Variants in GRIK1 observed in about 807,000 individuals in gnomAD.
The protein encoded by GRIK1 is glutamate receptor ionotropic, kainate 1.
GRIK1 carries 69 observed loss-of-function variants against 105.7 expected under a neutral mutation model. The observed-to-expected ratio is 0.65, with a 90% CI of 0.54 to 0.80. GRIK1 has a LOEUF of 0.80. Among genes scored for constraint, GRIK1 ranks in the 30% least tolerant of loss-of-function variants. GRIK1 has a pLI of 0.00. For missense variants in GRIK1, 1,109 were observed against 1,167.3 expected (o/e 0.95, Z 0.73); for synonymous variants, 438 against 431.3 (o/e 1.02, Z -0.19).
At chr21:29,882,863 C>T (rs2146189796) in intron 1 of GRIK1, among the ~76,000 whole-genome samples, 1 of 152,200 alleles carries the variant, frequency 6.6e-6, no homozygotes, top group East Asian at 1.9e-4. Context: ...CTACCACGAT[C>T]TATACAGAGC....
chr21:29,580,063 A>G (rs113521237), intron 13 of GRIK1, among the ~76,000 whole-genome samples: 10,848 of 143,826 alleles, frequency 0.075, 830 homozygotes, highest in African/African-American at 0.2. Context: ...GTATATATAT[A>G]TGTGTATATA....
At position 29,827,475 on chromosome 21, in the gene GRIK1, G is replaced by T. The variant is rs548005005; in HGVS notation, c.118+111908C>A. Among the ~76,000 whole-genome samples, 411 of 152,208 alleles carry T rather than the reference G, an allele frequency of 2.7e-3. 1 individual carries two copies. The highest frequency in any genetic ancestry group is 5.2e-3 in the Non-Finnish European group (353 of 67,998). ...GCTTCAATGTTTATGAAGCTGTATGGCACTCATAAGTCCAGATTTGATATA... is the reference window on the plus strand; with the variant it reads ...GCTTCAATGTTTATGAAGCTGTATGTCACTCATAAGTCCAGATTTGATATA... On this transcript the variant is annotated intron_variant, in intron 1 of 17. Transcript: ENST00000327783.
chr21:29,888,276 A>G (rs1443919016), intron 1 of GRIK1, among the ~76,000 whole-genome samples: 3 of 89,314 alleles, frequency 3.4e-5, no homozygotes, highest in African/African-American at 1.4e-4. Flanking sequence ...CTTCCTTCCT[A>G]TTTTTGAGAC....
chr21:29,707,762 G>A (rs2211778), intron 1 of GRIK1, among the ~76,000 whole-genome samples: 104,297 of 151,788 alleles, frequency 0.69, 41,425 homozygotes, highest in Non-Finnish European at 0.89. Context: ...GATTACAGGC[G>A]TAAACCACCG....
Position 29,581,454 on chromosome 21 carries a change from CA to C in GRIK1, c.1882del (p.Trp628GlyfsTer14), listed in dbSNP as rs2146258431. On this transcript the variant is annotated frameshift_variant, in exon 13 of 18. Transcript: ENST00000327783. LOFTEE classifies it high-confidence loss of function. ...ENNFTLLNSF[W>X]FGVGALMQQG... is the part of the protein sequence containing the mutation. ...CTGCATGAGAGCTCCAACTCCAAAC[CA>C]GAAACTATTTAGTAAAGTAAAATTG... 1 of 1,612,478 alleles carries C rather than the reference CA, an allele frequency of 6.2e-7. No homozygotes were observed. The highest frequency in any genetic ancestry group is 1.1e-5 in the South Asian group (1 of 91,030).
chr21:29,938,630 A>T (rs1031555365), intron 1 of GRIK1, among the ~76,000 whole-genome samples: 2 of 152,168 alleles, frequency 1.3e-5, no homozygotes, highest in African/African-American at 4.8e-5. Flanking sequence ...ATTCGAGATC[A>T]GAGCCCTGAA....
At chr21:29,707,134 G>A (rs2063927645) in intron 1 of GRIK1, among the ~76,000 whole-genome samples, 1 of 152,216 alleles carries the variant, frequency 6.6e-6, no homozygotes, top group Non-Finnish European at 1.5e-5. Flanking sequence ...GAAGTGCTGG[G>A]ATTACAGGCG....
intron 1 of GRIK1, among the ~76,000 whole-genome samples, chr21:29,912,845 G>A (rs1379082455): frequency 6.6e-6 from 1 of 151,828 alleles, no homozygotes; most frequent in Non-Finnish European, 1.5e-5. Context: ...TTTATTTTAG[G>A]CAATATCAAG....
At chr21:29,750,822 G>A (rs1164747759) in intron 1 of GRIK1, among the ~76,000 whole-genome samples, 1 of 152,172 alleles carries the variant, frequency 6.6e-6, no homozygotes, top group Non-Finnish European at 1.5e-5. Flanking sequence ...TAATAAGATA[G>A]GTTTGATATT....
intron 12 of GRIK1, among the ~76,000 whole-genome samples, chr21:29,584,998 G>C (rs2146269473): frequency 6.6e-6 from 1 of 152,294 alleles, no homozygotes; most frequent in African/African-American, 2.4e-5. Flanking sequence ...CTTCATGACA[G>C]TACACTTGTG....
rs961890764 is a variant in GRIK1, at chr21:29,661,495, G to C, written c.727-6632C>G. 7.2e-5 allele frequency among the ~76,000 whole-genome samples: 11 copies of C among 152,280 alleles called. No homozygotes were observed. The East Asian group carries it at 1.9e-3, about 27-fold the overall frequency. On this transcript the variant is annotated intron_variant, in intron 4 of 17. Transcript: ENST00000327783. ...GTAAATAGAAGGAGAGAGAAAGATG[G>C]AGTGTGATGCGGGGCCACAAGACAA...
intron 1 of GRIK1, among the ~76,000 whole-genome samples, chr21:29,751,883 C>T (rs970068393): frequency 6.6e-6 from 1 of 152,184 alleles, no homozygotes; most frequent in African/African-American, 2.4e-5. Context: ...TTTCGAGACG[C>T]TAGCTGTCTT....
Position 29,581,534 on chromosome 21 carries a change from G to A in GRIK1, c.1803C>T (p.Pro601=), listed in dbSNP as rs766815082. The stretch of plus-strand genomic sequence containing the variant: ...ATGGGTGGGGGTTATACCACTCGTA[G>A]GGTGTAAACCTGTGGTAGTTAACAG... ...CVLFVIARFT[P]YEWYNPHPCN... Residue 601 remains proline (P), a synonymous_variant, in exon 13 of 18, where the codon CCC becomes CCT. Coordinates refer to ENST00000327783, the MANE Select transcript of GRIK1 (RefSeq NM_001330994.2). The A allele has an allele frequency of 2.1e-5, 34 of 1,586,318 alleles. No individual in the cohort carries two copies. The highest frequency in any genetic ancestry group is 2.9e-5 in the Non-Finnish European group (33 of 1,155,006).
At chr21:29,915,156 C>G (rs2070950859) in intron 1 of GRIK1, among the ~76,000 whole-genome samples, 1 of 151,532 alleles carries the variant, frequency 6.6e-6, no homozygotes, top group Non-Finnish European at 1.5e-5. Context: ...TCTGTTAATT[C>G]TTTTCCACGC....
intron 1 of GRIK1, among the ~76,000 whole-genome samples, chr21:29,746,740 T>C (rs1249908499): frequency 1.3e-5 from 2 of 152,208 alleles, no homozygotes. Context: ...TTAAAAGAGA[T>C]GACACACAAA....
chr21:29,710,638 A>G (rs1372568344), intron 1 of GRIK1, among the ~76,000 whole-genome samples: 1 of 151,014 alleles, frequency 6.6e-6, no homozygotes, highest in African/African-American at 2.4e-5. Flanking sequence ...TTCAATGACT[A>G]TTTTTAATTA....
intron 1 of GRIK1, among the ~76,000 whole-genome samples, chr21:29,727,934 C>T (rs2064511542): frequency 6.6e-6 from 1 of 152,178 alleles, no homozygotes; most frequent in African/African-American, 2.4e-5. Flanking sequence ...GAACTGGGAG[C>T]ACTGCTGAGA....
At chr21:29,663,982 G>T (rs1022260315) in intron 4 of GRIK1, among the ~76,000 whole-genome samples, 1 of 152,182 alleles carries the variant, frequency 6.6e-6, no homozygotes. Flanking sequence ...AACATATTCC[G>T]AGGGCAGAAT....
intron 1 of GRIK1, among the ~76,000 whole-genome samples, chr21:29,722,892 A>C (rs981374505): frequency 2.6e-5 from 4 of 152,264 alleles, no homozygotes; most frequent in Non-Finnish European, 5.9e-5. Flanking sequence ...GTTTAGAAAT[A>C]TATTGAATAA....
Sources: allele counts gnomAD v4.1 joint callset (sites outside exome capture counted in the v4.1 genomes callset), GRCh38; gene constraint gnomAD v4.1.1; transcripts MANE v1.5; gene names NCBI Gene and HGNC (gene_info 2026-07-23, HGNC 2026-07-21).